Variants in GRIN2A observed in about 807,000 individuals in gnomAD.
GRIN2A encodes glutamate ionotropic receptor NMDA type subunit 2A, also known as glutamate receptor ionotropic, NMDA 2A.
In GRIN2A, 22 loss-of-function variants were observed where a neutral mutation model predicts 113.4. The ratio of observed to expected loss-of-function variants is 0.19; its 90% CI spans 0.14 to 0.28. The LOEUF (loss-of-function observed/expected upper bound fraction) is 0.28, where lower values mean the gene tolerates loss of function less well. GRIN2A is among the 10% of genes least tolerant of loss of function. The probability of loss-of-function intolerance (pLI) is 1.00; values close to 1 mark genes in which losing one functional copy is unlikely to be tolerated. For missense variants in GRIN2A, 1,502 were observed against 1,887.0 expected, an observed-to-expected ratio of 0.80 and a Z score of 3.78; for synonymous variants, 827 against 738.4, an observed-to-expected ratio of 1.12 and a Z score of -1.94.
rs572910506 is a variant in GRIN2A at position 9,924,755 on chromosome 16, T to C, written c.1007+13204A>G. Among the ~76,000 whole-genome samples the C allele has an allele frequency of 3.3e-5, 5 of 152,328 alleles. No homozygotes were observed. The East Asian group carries it at 9.6e-4, about 29-fold the overall frequency. On this transcript the variant is annotated intron_variant, in intron 3 of 12. Coordinates refer to ENST00000330684, the MANE Select transcript of GRIN2A (RefSeq NM_001134407.3). The stretch of plus-strand genomic sequence containing the variant: ...AGTTTCATTTGGGGAAATTACTTTG[T>C]TTTCAAGTTCACTGATTTTTTTCTT...
In GRIN2A at chr16:9,938,137, T is replaced by C. The variant is rs376979811; in HGVS notation, c.829A>G (p.Ile277Val). 29 of 1,613,988 alleles carry C rather than the reference T, an allele frequency of 1.8e-5. No individual in the cohort carries two copies. The highest frequency in any genetic ancestry group is 2.5e-5 in the Non-Finnish European group (29 of 1,180,008). The change falls in exon 3 of 13, where the codon ATT becomes GTT. Residue 277 changes from isoleucine to valine, a missense_variant. Physicochemically the swap from Ile to Val is conservative, Grantham distance 29. Around this residue, in one of 7 missense-constraint regions of GRIN2A, gnomAD observed 334 missense variants for 403.0 expected, o/e 0.83. Transcript: ENST00000330684. ...LIPKEFPSGL[I>V]SVSYDDWDYS... Reference sequence around the variant, plus strand: ...TCCCAGTCATCGTAGGAGACAGAAATGAGTCCCGATGGAAACTCTTTTGGG... The same window carrying C: ...TCCCAGTCATCGTAGGAGACAGAAACGAGTCCCGATGGAAACTCTTTTGGG...
chr16:10,027,739 C>T (rs1488175935), intron 2 of GRIN2A: 1 of 152,762 alleles, frequency 6.5e-6, no homozygotes, highest in Non-Finnish European at 1.5e-5. Flanking sequence ...CTGTCCCTAC[C>T]CTTACTCGTC....
intron 8 of GRIN2A, among the ~76,000 whole-genome samples, chr16:9,830,222 G>A (rs1237417767): frequency 1.3e-5 from 2 of 152,176 alleles, no homozygotes; most frequent in Non-Finnish European, 2.9e-5. Context: ...TGGAACAATA[G>A]ATCTTAATTC....
At chr16:9,814,943 C>T (rs968745359) in intron 10 of GRIN2A, among the ~76,000 whole-genome samples, 9 of 151,760 alleles carry the variant, frequency 5.9e-5, no homozygotes, top group African/African-American at 2.2e-4. Context: ...ATCGCTTGAA[C>T]CCGGAAGGCA....
At chr16:10,063,422 C>A (rs567750996) in intron 2 of GRIN2A, among the ~76,000 whole-genome samples, 1 of 152,142 alleles carries the variant, frequency 6.6e-6, no homozygotes, top group African/African-American at 2.4e-5. Flanking sequence ...GCATGAGCCC[C>A]GCCTAGCCAT....
chr16:9,969,137 AG>A (rs2045619411), intron 2 of GRIN2A, among the ~76,000 whole-genome samples: 1 of 152,170 alleles, frequency 6.6e-6, no homozygotes, highest in South Asian at 2.1e-4. Context: ...CAGTAGACAC[AG>A]GGAGTCAATG....
At position 9,885,369 on chromosome 16, in the gene GRIN2A, T is replaced by C. The variant is rs148723226; in HGVS notation, c.1122+5617A>G. ...CTGGGAAGCCTTGGACTCATCAAAC[T>C]CTAAGGCAGACCAAAATCACTGAAG... On this transcript the variant is annotated intron_variant, in intron 4 of 12. Transcript: ENST00000330684. Among the ~76,000 whole-genome samples, 756 of 152,232 alleles carry C rather than the reference T, an allele frequency of 5.0e-3. 12 individuals are homozygous for C. The highest frequency in any genetic ancestry group is 4.5e-3 in the Non-Finnish European group (309 of 68,010).
intron 11 of GRIN2A, among the ~76,000 whole-genome samples, chr16:9,773,884 C>T (rs574364376): frequency 1.3e-5 from 2 of 152,186 alleles, no homozygotes; most frequent in Non-Finnish European, 2.9e-5. Flanking sequence ...ATGCTGACAA[C>T]ATTAAAAGAC....
intron 10 of GRIN2A, among the ~76,000 whole-genome samples, chr16:9,804,751 A>G (rs112039498): frequency 0.018 from 2,759 of 152,262 alleles, 88 homozygotes; most frequent in African/African-American, 0.057. Flanking sequence ...AAAGAATGCC[A>G]TGCTATGCTG....
intron 2 of GRIN2A, among the ~76,000 whole-genome samples, chr16:10,054,864 G>A (rs1420692141): frequency 4.0e-5 from 6 of 151,276 alleles, no homozygotes; most frequent in African/African-American, 1.5e-4. Flanking sequence ...TGGCTAATAT[G>A]GTAAAACCCC....
In GRIN2A at chr16:10,076,207, CAA is replaced by C. The variant is rs2047869777; in HGVS notation, c.414+103789_414+103790del. The stretch of plus-strand genomic sequence containing the variant: ...TAGGCCTTCCTCTGAGTCACTGGTG[CAA>C]AGTCTGTCCTGCTGCTTGTGTTTGT... On this transcript the variant is annotated intron_variant, in intron 2 of 12. Coordinates refer to ENST00000330684, the MANE Select transcript of GRIN2A (RefSeq NM_001134407.3). 2.0e-5 allele frequency among the ~76,000 whole-genome samples: 3 copies of C among 152,294 alleles called. No individual in the cohort carries two copies. In the South Asian group the frequency reaches 6.2e-4, roughly 32 times the overall value.
At chr16:10,010,578 TA>T (rs1287257772) in intron 2 of GRIN2A, among the ~76,000 whole-genome samples, 1 of 152,242 alleles carries the variant, frequency 6.6e-6, no homozygotes, top group Non-Finnish European at 1.5e-5. Flanking sequence ...CTGTTTAATA[TA>T]CTTCATAGTA....
chr16:9,881,396 A>G (rs114550968), intron 4 of GRIN2A, among the ~76,000 whole-genome samples: 56 of 152,366 alleles, frequency 3.7e-4, no homozygotes, highest in African/African-American at 1.3e-3. Context: ...TCAGGGTTAC[A>G]CAGAGTAAGT....
intron 2 of GRIN2A, among the ~76,000 whole-genome samples, chr16:10,062,714 AATT>A (rs1281867638): frequency 6.6e-6 from 1 of 152,002 alleles, no homozygotes; most frequent in Admixed American, 6.6e-5. Context: ...AAAACACAAA[AATT>A]AGTTGCGTGT....
chr16:9,895,478 T>C (rs1053267420), intron 3 of GRIN2A, among the ~76,000 whole-genome samples: 3 of 152,208 alleles, frequency 2.0e-5, no homozygotes, highest in Admixed American at 2.0e-4. Context: ...CTATATAGAC[T>C]GAGTTTAGAC....
chr16:9,760,520 A>C lies in GRIN2A; in HGVS notation c.*2629T>G. The C allele has an allele frequency of 4.5e-6, 1 of 221,106 alleles. No individual in the cohort carries two copies. The highest frequency in any genetic ancestry group is 9.0e-6 in the Non-Finnish European group (1 of 110,562). The allele number at this position is 221,106 out of a possible 1,614,324, so 13.7% of individuals were successfully genotyped here. A position where few individuals can be genotyped will look rare whatever the true frequency, so the allele number is the denominator to read the frequency against. ...ACACTTCGGTCAGTGAAAAGAATAT[A>C]TATTTTTTTCACAACATTACTGTTG... is the stretch of plus-strand genomic sequence containing the variant. On this transcript the variant is annotated 3_prime_UTR_variant, in exon 13 of 13. Coordinates refer to ENST00000330684, the MANE Select transcript of GRIN2A (RefSeq NM_001134407.3).
chr16:10,167,165 A>G (rs904050462), intron 2 of GRIN2A, among the ~76,000 whole-genome samples: 5 of 152,144 alleles, frequency 3.3e-5, no homozygotes, highest in African/African-American at 1.2e-4. Context: ...AAGGAAGTCT[A>G]TGAAAGGGTT....
intron 3 of GRIN2A, among the ~76,000 whole-genome samples, chr16:9,908,392 T>C (rs554329830): frequency 6.9e-6 from 1 of 145,658 alleles, no homozygotes; most frequent in African/African-American, 2.6e-5. Context: ...TCTGTATAAA[T>C]GGTAAAAAGA....
chr16:9,886,213 A>G (rs1555500527), intron 4 of GRIN2A, among the ~76,000 whole-genome samples: 1 of 152,244 alleles, frequency 6.6e-6, no homozygotes, highest in Non-Finnish European at 1.5e-5. Context: ...CCAAAATGCA[A>G]CAACATAAGG....
Sources: gnomAD v4.1 joint callset for allele counts (sites outside exome capture counted in the v4.1 genomes callset) on GRCh38, gnomAD v4.1.1 for gene constraint, gnomAD v4.1.1 regional missense constraint, MANE v1.5 for transcripts, NCBI Gene and HGNC (gene_info 2026-07-23, HGNC 2026-07-21) for gene names.